The following FOXP2 variants were observed in gnomAD, a reference collection of about 807,000 sequenced individuals.
The protein encoded by FOXP2 is forkhead box P2.
FOXP2 carries 12 observed loss-of-function variants against 115.8 expected under a neutral mutation model. That is an observed-to-expected ratio of 0.10 (90% CI 0.07 to 0.17). The LOEUF (loss-of-function observed/expected upper bound fraction) is 0.17. Ranked by LOEUF, FOXP2 falls within the 10% of genes least tolerant of loss-of-function variation. The pLI is 1.00. For synonymous variants in FOXP2, 328 were observed against 297.7 expected (o/e 1.10, Z -1.05); for missense variants, 629 against 843.5 (o/e 0.75, Z 3.15).
intron 2 of FOXP2, among the ~76,000 whole-genome samples, chr7:114,328,071 C>G (rs1160077787): frequency 6.6e-6 from 1 of 151,420 alleles, no homozygotes; most frequent in East Asian, 1.9e-4. Flanking sequence ...AAGGTGCATA[C>G]CACCATATTT....
At chr7:114,272,699 A>G (rs1562848038) in intron 1 of FOXP2, among the ~76,000 whole-genome samples, 1 of 151,766 alleles carries the variant, frequency 6.6e-6, no homozygotes, top group East Asian at 1.9e-4. Flanking sequence ...ACTTTCATCC[A>G]TTAGGGTATT....
rs539036694 is a variant in FOXP2 at position 114,469,364 on chromosome 7, A to C, written c.168+42685A>C. ...TTACCAGCTGAAAACAAGAAAGTGC[A>C]AAACTTCTTTTTTGGGTCAATGCTT... On this transcript the variant is annotated intron_variant, in intron 2 of 16. Coordinates refer to ENST00000350908, the MANE Select transcript of FOXP2 (RefSeq NM_014491.4). Among the ~76,000 whole-genome samples the C allele has an allele frequency of 8.3e-4, 126 of 152,308 alleles. 1 individual carries two copies. The highest frequency in any genetic ancestry group is 1.5e-3 in the Non-Finnish European group (105 of 68,022).
chr7:114,608,934 C>T (rs1803480771), intron 3 of FOXP2, among the ~76,000 whole-genome samples: 1 of 152,056 alleles, frequency 6.6e-6, no homozygotes, highest in East Asian at 1.9e-4. Context: ...TGCGGTGGCT[C>T]ACACCTGTAA....
At chr7:114,117,290 C>T (rs949109505) in intron 1 of FOXP2, among the ~76,000 whole-genome samples, 3 of 150,782 alleles carry the variant, frequency 2.0e-5, no homozygotes, top group Non-Finnish European at 2.9e-5. Context: ...GGTGTGATCT[C>T]AGCTCACTGC....
intron 2 of FOXP2, among the ~76,000 whole-genome samples, chr7:114,450,386 T>G (rs942981100): frequency 6.6e-6 from 1 of 152,042 alleles, no homozygotes; most frequent in Non-Finnish European, 1.5e-5. Flanking sequence ...GTATGACAAG[T>G]TTTTTGGATT....
chr7:114,112,090 T>A (rs1243933322), intron 1 of FOXP2, among the ~76,000 whole-genome samples: 1 of 152,032 alleles, frequency 6.6e-6, no homozygotes, highest in East Asian at 1.9e-4. Context: ...CGTAATGCAA[T>A]TATACTTTGT....
chr7:114,621,458 T>C (rs1249343650), intron 3 of FOXP2, among the ~76,000 whole-genome samples: 1 of 152,074 alleles, frequency 6.6e-6, no homozygotes, highest in Non-Finnish European at 1.5e-5. Flanking sequence ...TGAACTAATC[T>C]TGGATCTGTA....
At chr7:114,630,134 A>G (rs2129327656) in intron 5 of FOXP2, 129 bp downstream of exon 5, 2 of 1,530,320 alleles carry the variant, frequency 1.3e-6, no homozygotes, top group East Asian at 4.5e-5. Flanking sequence ...ATATATTTTT[A>G]CTGAGCTTAG....
chr7:114,167,492 G>GT (rs1296093869), intron 1 of FOXP2, among the ~76,000 whole-genome samples: 1 of 152,124 alleles, frequency 6.6e-6, no homozygotes, highest in African/African-American at 2.4e-5. Context: ...GTTTGGCTCT[G>GT]TGTCACCATC....
intron 3 of FOXP2, among the ~76,000 whole-genome samples, chr7:114,615,954 CT>C (rs1584954588): frequency 1.3e-5 from 2 of 152,264 alleles, no homozygotes; most frequent in East Asian, 3.9e-4. Context: ...AGATGATCCT[CT>C]TTGTTTAACA....
At chr7:114,337,823 T>C in intron 2 of FOXP2, among the ~76,000 whole-genome samples, 1 of 151,240 alleles carries the variant, frequency 6.6e-6, no homozygotes, top group Non-Finnish European at 1.5e-5. Flanking sequence ...CAGCATGAGC[T>C]CGTTTGCATG....
chr7:114,674,792 A>T (rs1807673266), intron 16 of FOXP2, among the ~76,000 whole-genome samples: 1 of 152,174 alleles, frequency 6.6e-6, no homozygotes, highest in African/African-American at 2.4e-5. Context: ...GTAAAAATCT[A>T]AATTTCTGTG....
intron 2 of FOXP2, among the ~76,000 whole-genome samples, chr7:114,402,156 T>G (rs1792902016): frequency 6.6e-6 from 1 of 151,848 alleles, no homozygotes; most frequent in Non-Finnish European, 1.5e-5. Context: ...AATAAAAAGA[T>G]ATAGATAAAA....
intron 2 of FOXP2, among the ~76,000 whole-genome samples, chr7:114,481,833 A>G (rs978655778): frequency 9.3e-5 from 14 of 149,946 alleles, no homozygotes; most frequent in Non-Finnish European, 1.9e-4. Flanking sequence ...TCTAATCTAT[A>G]ATGGTTAGAA....
intron 3 of FOXP2, among the ~76,000 whole-genome samples, chr7:114,577,723 T>C (rs1801646689): frequency 6.6e-6 from 1 of 151,974 alleles, no homozygotes; most frequent in African/African-American, 2.4e-5. Flanking sequence ...ATTCTAGTTA[T>C]AACGTTATAC....
chr7:114,188,675 G>A (rs942719564), intron 1 of FOXP2, among the ~76,000 whole-genome samples: 10 of 152,084 alleles, frequency 6.6e-5, no homozygotes, highest in Admixed American at 2.0e-4. Flanking sequence ...TGGCAGCCTC[G>A]ACCTCCTGGG....
intron 2 of FOXP2, among the ~76,000 whole-genome samples, chr7:114,518,427 A>C (rs557330532): frequency 6.6e-6 from 1 of 152,312 alleles, no homozygotes; most frequent in African/African-American, 2.4e-5. Flanking sequence ...GTGAATTATT[A>C]TACAGATACC....
chr7:114,655,098 A>G (rs1480468388), intron 10 of FOXP2, among the ~76,000 whole-genome samples: 6 of 152,048 alleles, frequency 3.9e-5, no homozygotes, highest in Non-Finnish European at 8.8e-5. Context: ...TACTTTTTAA[A>G]CTCTAAAATG....
At chr7:114,644,894 T>C in intron 8 of FOXP2, 105 bp downstream of exon 8, 1 of 860,788 alleles carries the variant, frequency 1.2e-6, no homozygotes. Context: ...TAAAAGTCCA[T>C]TATAAGTCAT....
Sources: allele counts gnomAD v4.1 joint callset (sites outside exome capture counted in the v4.1 genomes callset), GRCh38; gene constraint gnomAD v4.1.1; transcripts MANE v1.5; gene names NCBI Gene and HGNC (gene_info 2026-07-23, HGNC 2026-07-21).